Variants in SLC38A9 observed in about 807,000 individuals in gnomAD.
SLC38A9 encodes the protein solute carrier family 38 member 9.
Under a neutral mutation model 62.3 loss-of-function variants are expected in SLC38A9, and 48 were observed. The observed-to-expected ratio is 0.77, with a 90% CI of 0.61 to 0.98. The LOEUF is 0.98. Ranked by LOEUF, SLC38A9 falls within the 50% of genes least tolerant of loss-of-function variation. The pLI, the probability that SLC38A9 is intolerant of heterozygous loss-of-function variation, is 0.00. For synonymous variants in SLC38A9, 204 were observed against 227.7 expected (o/e 0.90, Z 0.94); for missense variants, 541 against 679.8 (o/e 0.80, Z 2.27).
At chr5:55,691,338 GAA>G in intron 3 of SLC38A9, 2 of 1,437,804 alleles carry the variant, frequency 1.4e-6, no homozygotes, top group African/African-American at 2.9e-5. Context: ...AGGGGCAGAA[GAA>G]AAATATGGTT....
chr5:55,653,117 T>C (rs897584924), intron 9 of SLC38A9, among the ~76,000 whole-genome samples: 1 of 152,030 alleles, frequency 6.6e-6, no homozygotes, highest in Non-Finnish European at 1.5e-5. Flanking sequence ...CAGGCACACA[T>C]CACCATGCCC....
chr5:55,663,051 C>T (rs1381108234), intron 8 of SLC38A9, among the ~76,000 whole-genome samples: 4 of 151,960 alleles, frequency 2.6e-5, no homozygotes, highest in Non-Finnish European at 5.9e-5. Flanking sequence ...TGTGCCACCA[C>T]ACCCAGCTAA....
chr5:55,636,181 A>G, intron 12 of SLC38A9, among the ~76,000 whole-genome samples: 1 of 152,240 alleles, frequency 6.6e-6, no homozygotes, highest in Non-Finnish European at 1.5e-5. Flanking sequence ...AGAACAGACA[A>G]CAAGCAGTAT....
At chr5:55,672,400 C>A (rs958497179) in intron 4 of SLC38A9, among the ~76,000 whole-genome samples, 163 bp downstream of exon 4, 8 of 152,074 alleles carry the variant, frequency 5.3e-5, no homozygotes, top group African/African-American at 1.7e-4. Flanking sequence ...ATGAACTGGC[C>A]TGAGATGTAG....
chr5:55,697,565 A>G (rs1414257120), intron 3 of SLC38A9, among the ~76,000 whole-genome samples: 1 of 152,004 alleles, frequency 6.6e-6, no homozygotes, highest in Non-Finnish European at 1.5e-5. Context: ...GTGGGTAATC[A>G]ATACATATTT....
At chr5:55,645,418 T>C (rs1746161689) in intron 12 of SLC38A9, among the ~76,000 whole-genome samples, 1 of 152,236 alleles carries the variant, frequency 6.6e-6, no homozygotes, top group African/African-American at 2.4e-5. Context: ...TTTCAGTGGT[T>C]GCTCTATGGC....
At chr5:55,687,235 C>T (rs1241775839) in intron 3 of SLC38A9, among the ~76,000 whole-genome samples, 6 of 150,254 alleles carry the variant, frequency 4.0e-5, no homozygotes, top group Admixed American at 2.6e-4. Context: ...GTCAGGAGAT[C>T]GAGACCACGG....
At chr5:55,678,163 T>G in intron 3 of SLC38A9, among the ~76,000 whole-genome samples, 1 of 109,180 alleles carries the variant, frequency 9.2e-6, no homozygotes, top group Admixed American at 1.0e-4. Context: ...TTTGAGACAG[T>G]CTTGTTCTGT....
chr5:55,638,421 G>A (rs1448528039), intron 12 of SLC38A9, among the ~76,000 whole-genome samples: 1 of 152,198 alleles, frequency 6.6e-6, no homozygotes, highest in Non-Finnish European at 1.5e-5. Flanking sequence ...GACAATATAA[G>A]CTGGTAATTA....
intron 9 of SLC38A9, among the ~76,000 whole-genome samples, chr5:55,654,316 T>A (rs1748032718): frequency 6.6e-6 from 1 of 152,188 alleles, no homozygotes; most frequent in Non-Finnish European, 1.5e-5. Context: ...ATTATAGTGG[T>A]TAAAAGCACA....
chr5:55,651,495 G>A (rs1747473781), intron 10 of SLC38A9, among the ~76,000 whole-genome samples: 1 of 152,102 alleles, frequency 6.6e-6, no homozygotes, highest in South Asian at 2.1e-4. Flanking sequence ...TGATCCACCT[G>A]CGTCAGCCTC....
At position 55,627,784 on chromosome 5, in the gene SLC38A9, A is replaced by T. The variant is rs1447233212; in HGVS notation, c.1520+107T>A. ...CATTTGAATATTACTAGTTTTAAATACTCATAGGAATTTCATACAATTAAA... is the reference window on the plus strand; with the variant it reads ...CATTTGAATATTACTAGTTTTAAATTCTCATAGGAATTTCATACAATTAAA... On this transcript the variant is annotated intron_variant, in intron 15 of 15. Transcript: ENST00000396865. 7 of 658,350 alleles carry T rather than the reference A, an allele frequency of 1.1e-5. 1 individual carries two copies. Among genetic ancestry groups the T allele is most frequent in the South Asian group, 2.2e-5 (1 of 44,490 alleles). 40.8% of individuals were successfully genotyped at this position (658,350 alleles called of 1,614,324 possible).
chr5:55,638,750 A>AAACCTTC (rs1160205513), intron 12 of SLC38A9, among the ~76,000 whole-genome samples: 125 of 152,356 alleles, frequency 8.2e-4, no homozygotes, highest in African/African-American at 2.9e-3. Flanking sequence ...TAAACCACAG[A>AAACCTTC]TTCATATGAA....
At chr5:55,628,466 C>T (rs918062273) in intron 14 of SLC38A9, among the ~76,000 whole-genome samples, 2 of 152,008 alleles carry the variant, frequency 1.3e-5, no homozygotes, top group African/African-American at 4.8e-5. Context: ...GTTTTCACTA[C>T]ACAAGAAAAC....
intron 12 of SLC38A9, among the ~76,000 whole-genome samples, chr5:55,640,902 T>C (rs1355126933): frequency 6.6e-6 from 1 of 152,010 alleles, no homozygotes; most frequent in African/African-American, 2.4e-5. Context: ...AACAGTGTGA[T>C]CTCGGCTCAC....
rs765046146 is a variant in SLC38A9, at chr5:55,635,617, G to A, written c.1208C>T (p.Thr403Ile). The change falls in exon 13 of 16, where the codon ACT (threonine) becomes ATT (isoleucine). Residue 403 changes from threonine (T) to isoleucine (I), a missense_variant. Physicochemically the swap from Thr to Ile is moderately conservative, Grantham distance 89 (BLOSUM62 -1). Coordinates refer to ENST00000396865, the MANE Select transcript of SLC38A9 (RefSeq NM_173514.4). ...AACCAGGACTCCAATATAGAGATAA[G>A]TTAATGTCACCAGCATATAAGCAAT... is the stretch of plus-strand genomic sequence containing the variant. ...LCIAYMLVTL[T>I]YLYIGVLVFA... 11 of 1,613,748 alleles carry A rather than the reference G, an allele frequency of 6.8e-6. No homozygotes were observed. Among genetic ancestry groups the A allele is most frequent in the Non-Finnish European group, 9.3e-6 (11 of 1,179,836 alleles).
chr5:55,679,792 G>A (rs1752731645), intron 3 of SLC38A9, among the ~76,000 whole-genome samples: 1 of 152,160 alleles, frequency 6.6e-6, no homozygotes. Flanking sequence ...GAAATGGTGA[G>A]TGACATTCCA....
At chr5:55,657,753 G>A (rs1748706124) in intron 8 of SLC38A9, among the ~76,000 whole-genome samples, 1 of 152,128 alleles carries the variant, frequency 6.6e-6, no homozygotes, top group African/African-American at 2.4e-5. Flanking sequence ...TATTTGTTGT[G>A]AAACTTGAAT....
intron 2 of SLC38A9, among the ~76,000 whole-genome samples, chr5:55,707,124 C>A (rs1296355179): frequency 1.3e-5 from 2 of 151,876 alleles, no homozygotes; most frequent in Non-Finnish European, 2.9e-5. Flanking sequence ...CTCAAGTAAT[C>A]TTCTTGCCTC....
Sources: gnomAD v4.1 joint callset for allele counts (sites outside exome capture counted in the v4.1 genomes callset) on GRCh38, gnomAD v4.1.1 for gene constraint, MANE v1.5 for transcripts, NCBI Gene and HGNC (gene_info 2026-07-23, HGNC 2026-07-21) for gene names.